The following HADHB variants were observed in gnomAD, a reference collection of about 807,000 sequenced individuals.
The protein encoded by HADHB is trifunctional enzyme subunit beta, mitochondrial.
A neutral mutation model predicts 61.9 loss-of-function variants in HADHB; 50 were observed. The observed-to-expected ratio is 0.81, with a 90% CI of 0.64 to 1.02. The LOEUF (loss-of-function observed/expected upper bound fraction) is 1.02, where lower values mean the gene tolerates loss of function less well. Among genes scored for constraint, HADHB ranks in the 50% least tolerant of loss-of-function variants. The pLI is 0.00. For missense variants in HADHB, 504 were observed against 586.5 expected (o/e 0.86, Z 1.45); for synonymous variants, 191 against 201.6 (o/e 0.95, Z 0.45).
At chr2:26,281,031 C>T (rs1672767171) in intron 10 of HADHB, among the ~76,000 whole-genome samples, 1 of 152,000 alleles carries the variant, frequency 6.6e-6, no homozygotes, top group Admixed American at 6.6e-5. Context: ...AACAGGATAC[C>T]TCTTCCAGCC....
At chr2:26,273,156 T>C (rs1672413198) in intron 5 of HADHB, among the ~76,000 whole-genome samples, 1 of 152,146 alleles carries the variant, frequency 6.6e-6, no homozygotes. Flanking sequence ...TTATTGTGTC[T>C]AGTTTCTATT....
intron 4 of HADHB, among the ~76,000 whole-genome samples, chr2:26,265,378 C>G (rs772193909): frequency 6.6e-6 from 1 of 152,058 alleles, no homozygotes; most frequent in Non-Finnish European, 1.5e-5. Context: ...GGTGGATCAC[C>G]TGAGGTTAGG....
At chr2:26,264,353 A>G (rs909744753) in intron 4 of HADHB, among the ~76,000 whole-genome samples, 10 of 152,062 alleles carry the variant, frequency 6.6e-5, no homozygotes, top group African/African-American at 2.4e-4. Flanking sequence ...GTTCAAGACC[A>G]GCCTGGGTAA....
intron 3 of HADHB, chr2:26,254,874 ATCT>A (rs1217321052): frequency 9.2e-6 from 2 of 216,908 alleles, no homozygotes; most frequent in Admixed American, 5.2e-5. Context: ...ATTGATGAAT[ATCT>A]TCTTCTCCCA....
In HADHB at chr2:26,277,104, C is replaced by T. The variant is rs774171607; in HGVS notation, c.386C>T (p.Thr129Ile). Residue 129 changes from threonine (T) to isoleucine (I), a missense_variant, in exon 7 of 16, where the codon ACT (threonine) becomes ATT (isoleucine). Transcript: ENST00000317799. ...CTTGGAGCTGGCTTCTCTGACAAGACTCCTGCTCACACTGTCACCATGGCT... is the reference window on the plus strand; with the variant it reads ...CTTGGAGCTGGCTTCTCTGACAAGATTCCTGCTCACACTGTCACCATGGCT... ...AALGAGFSDKTPAHTVTMACI... is the reference protein window; with the variant it reads ...AALGAGFSDKIPAHTVTMACI... 1.9e-6 allele frequency: 3 copies of T among 1,605,602 alleles called. No homozygotes were observed. Among genetic ancestry groups the T allele is most frequent in the South Asian group, 2.2e-5 (2 of 90,910 alleles).
In HADHB at chr2:26,247,182, G is replaced by A. The variant is rs72849925; in HGVS notation, c.-9+2192G>A. Reference sequence around the variant, plus strand: ...CTTGCTCCCAGGTGCCTGCAGCTTCGTGTATCTTTCCATAGTTCACACCTT... The same window carrying A: ...CTTGCTCCCAGGTGCCTGCAGCTTCATGTATCTTTCCATAGTTCACACCTT... On this transcript the variant is annotated intron_variant, in intron 1 of 15. Coordinates refer to ENST00000317799, the MANE Select transcript of HADHB (RefSeq NM_000183.3). Among the ~76,000 whole-genome samples, 929 of 152,164 alleles carry A rather than the reference G, an allele frequency of 6.1e-3. 8 individuals are homozygous for A. Among genetic ancestry groups the A allele is most frequent in the African/African-American group, 0.021 (863 of 41,506 alleles).
intron 6 of HADHB, among the ~76,000 whole-genome samples, 178 bp from the exon 7 acceptor site, chr2:26,276,895 G>T (rs1173018114): frequency 1.3e-5 from 2 of 152,164 alleles, no homozygotes; most frequent in Non-Finnish European, 2.9e-5. Context: ...TCAATTAATG[G>T]CAAGATTAAA....
At chr2:26,262,238 C>T (rs1671894153) in intron 3 of HADHB, among the ~76,000 whole-genome samples, 1 of 151,946 alleles carries the variant, frequency 6.6e-6, no homozygotes, top group East Asian at 1.9e-4. Flanking sequence ...TTTTTTCTAT[C>T]TTTGATAAGG....
At chr2:26,247,225 C>G (rs1487572614) in intron 1 of HADHB, among the ~76,000 whole-genome samples, 1 of 152,192 alleles carries the variant, frequency 6.6e-6, no homozygotes, top group Non-Finnish European at 1.5e-5. Context: ...CTTACCCTAA[C>G]CAACTCGATC....
chr2:26,284,285 G>A (rs936927691), intron 13 of HADHB, 81 bp downstream of exon 13: 15 of 827,864 alleles, frequency 1.8e-5, no homozygotes, highest in Admixed American at 1.0e-4. Context: ...AGCAAGGCAT[G>A]GTTTATGATG....
At chr2:26,266,871 CAA>C (rs56401595) in intron 4 of HADHB, among the ~76,000 whole-genome samples, 30 of 45,420 alleles carry the variant, frequency 6.6e-4, no homozygotes, top group African/African-American at 1.9e-3. Context: ...CACTCTCTCT[CAA>C]AAAAAAAAAA....
At chr2:26,264,277 A>G (rs1222605256) in intron 4 of HADHB, among the ~76,000 whole-genome samples, 1 of 152,190 alleles carries the variant, frequency 6.6e-6, no homozygotes, top group Non-Finnish European at 1.5e-5. Flanking sequence ...GGCTGGGTGC[A>G]GTGGCTCACA....
chr2:26,278,915 A>G lies in HADHB; in HGVS notation c.630+114A>G. On this transcript the variant is annotated intron_variant, in intron 8 of 15. Transcript: ENST00000317799. ...ATTCTGTAGTTACAGGAAAGGGTTAATTACTTGCTCAAGATGGAAAAAAAA... is the reference window on the plus strand; with the variant it reads ...ATTCTGTAGTTACAGGAAAGGGTTAGTTACTTGCTCAAGATGGAAAAAAAA... 9.6e-7 allele frequency: 1 copy of G among 1,043,838 alleles called. No individual in the cohort carries two copies. The highest frequency in any genetic ancestry group is 1.5e-6 in the Non-Finnish European group (1 of 663,124). The allele number at this position is 1,043,838 out of a possible 1,614,324, so 64.7% of individuals were successfully genotyped here. A position where few individuals can be genotyped will look rare whatever the true frequency, so the allele number is the denominator to read the frequency against.
intron 4 of HADHB, among the ~76,000 whole-genome samples, chr2:26,266,870 T>TGAAAAAAAAA (rs1326163569): frequency 7.2e-5 from 1 of 13,824 alleles, no homozygotes; most frequent in South Asian, 2.3e-3. Context: ...ACACTCTCTC[T>TGAAAAAAAAA]CAAAAAAAAA....
chr2:26,249,493 A>C (rs770309649), intron 1 of HADHB, among the ~76,000 whole-genome samples: 2 of 152,200 alleles, frequency 1.3e-5, no homozygotes, highest in African/African-American at 2.4e-5. Flanking sequence ...CCTGGGCGAC[A>C]GAGTGAGACT....
chr2:26,257,195 A>G (rs1490005970), intron 3 of HADHB, among the ~76,000 whole-genome samples: 2 of 147,038 alleles, frequency 1.4e-5, no homozygotes, highest in African/African-American at 5.1e-5. Flanking sequence ...GTCTCGGCTC[A>G]CTGCAAGCTC....
intron 4 of HADHB, among the ~76,000 whole-genome samples, chr2:26,267,082 T>C (rs1315853027): frequency 6.6e-6 from 1 of 152,120 alleles, no homozygotes; most frequent in African/African-American, 2.4e-5. Flanking sequence ...TTTTAAGTTT[T>C]AATTTTCAGG....
At chr2:26,263,086 G>T (rs1317670647) in intron 3 of HADHB, among the ~76,000 whole-genome samples, 1 of 152,064 alleles carries the variant, frequency 6.6e-6, no homozygotes, top group Non-Finnish European at 1.5e-5. Flanking sequence ...GATCACCTGA[G>T]GTCAGGAGTT....
Position 26,254,488 on chromosome 2 carries a change from TA to T in HADHB, c.109+18del. The stretch of plus-strand genomic sequence containing the variant: ...GAGCTGCCCCAGGTACAGTAATTTG[TA>T]AAATAAATATTTCTGATTTAAATGT... On this transcript the variant is annotated intron_variant, in intron 3 of 15. Coordinates refer to ENST00000317799, the MANE Select transcript of HADHB (RefSeq NM_000183.3). 1 of 1,507,616 alleles carries T rather than the reference TA, an allele frequency of 6.6e-7. No individual in the cohort carries two copies. Among genetic ancestry groups the T allele is most frequent in the South Asian group, 1.1e-5 (1 of 88,830 alleles). The allele number at this position is 1,507,616 out of a possible 1,614,324, so 93.4% of individuals were successfully genotyped here.
Sources: allele counts gnomAD v4.1 joint callset (sites outside exome capture counted in the v4.1 genomes callset), GRCh38; gene constraint gnomAD v4.1.1; transcripts MANE v1.5; gene names NCBI Gene and HGNC (gene_info 2026-07-23, HGNC 2026-07-21).